Variants in VEGFC observed in about 807,000 individuals in gnomAD.
VEGFC encodes FLT4 ligand DHM.
A neutral mutation model predicts 46.1 loss-of-function variants in VEGFC; 12 were observed. The ratio of observed to expected loss-of-function variants is 0.26; its 90% CI spans 0.17 to 0.42. The LOEUF is 0.42. Ranked by LOEUF, VEGFC falls within the 10% of genes least tolerant of loss-of-function variation. VEGFC has a pLI of 1.00. For missense variants in VEGFC, 488 were observed against 529.4 expected, an observed-to-expected ratio of 0.92 and a Z score of 0.77; for synonymous variants, 232 against 195.5, an observed-to-expected ratio of 1.19 and a Z score of -1.56.
At position 176,731,485 on chromosome 4, in the gene VEGFC, A is replaced by G. The variant is rs77178707; in HGVS notation, c.148-1739T>C. ...GTCAGTCACACCTCAATAATGTTGG[A>G]AAAAAAACAGTGTACAGGTGTATTT... On this transcript the variant is annotated intron_variant, in intron 1 of 6. Transcript: ENST00000618562. Among the ~76,000 whole-genome samples, 1,011 of 151,750 alleles carry G rather than the reference A, an allele frequency of 6.7e-3. 6 individuals are homozygous for G. Among genetic ancestry groups the G allele is most frequent in the African/African-American group, 0.023 (951 of 41,390 alleles).
chr4:176,741,679 C>A (rs1735177295), intron 1 of VEGFC, among the ~76,000 whole-genome samples: 1 of 151,852 alleles, frequency 6.6e-6, no homozygotes, highest in South Asian at 2.1e-4. Context: ...TTTGGTGCAA[C>A]TGTTACTGAT....
chr4:176,716,119 A>T (rs1734694037), intron 3 of VEGFC, among the ~76,000 whole-genome samples: 1 of 152,104 alleles, frequency 6.6e-6, no homozygotes, highest in Non-Finnish European at 1.5e-5. Context: ...GATTTAGTTA[A>T]ATTTTTGTTA....
intron 4 of VEGFC, among the ~76,000 whole-genome samples, chr4:176,704,691 C>A (rs1004632568): frequency 6.6e-5 from 10 of 152,144 alleles, no homozygotes; most frequent in Admixed American, 6.5e-4. Flanking sequence ...CCCTTGCCAC[C>A]AAGCTGTTCT....
intron 3 of VEGFC, among the ~76,000 whole-genome samples, chr4:176,723,535 CTTTTATTTTAAGTTTGGGG>C (rs1337830171): frequency 1.6e-5 from 2 of 123,612 alleles, no homozygotes; most frequent in South Asian, 2.7e-4. Context: ...CATAGGTAAA[CTTTTATTTTAAGTTTGGGG>C]TTTTATTTTA....
intron 1 of VEGFC, among the ~76,000 whole-genome samples, chr4:176,783,161 G>A (rs1735943767): frequency 6.6e-6 from 1 of 152,196 alleles, no homozygotes; most frequent in African/African-American, 2.4e-5. Flanking sequence ...GAGAAGGAAA[G>A]TATCTACTCC....
intron 1 of VEGFC, among the ~76,000 whole-genome samples, chr4:176,771,656 T>A (rs1735724844): frequency 6.6e-6 from 1 of 152,186 alleles, no homozygotes; most frequent in African/African-American, 2.4e-5. Context: ...AAGAAAAGTC[T>A]AAGGTTCTTG....
intron 1 of VEGFC, among the ~76,000 whole-genome samples, chr4:176,761,879 T>G (rs1735536498): frequency 6.6e-6 from 1 of 152,248 alleles, no homozygotes; most frequent in South Asian, 2.1e-4. Context: ...AATTCAGAGT[T>G]GGAAGAAGCC....
At chr4:176,692,268 C>G (rs944047511) in intron 4 of VEGFC, among the ~76,000 whole-genome samples, 1 of 135,216 alleles carries the variant, frequency 7.4e-6, no homozygotes, top group African/African-American at 3.4e-5. Flanking sequence ...GTGGCGGGCG[C>G]CTGTAGTCCC....
intron 1 of VEGFC, among the ~76,000 whole-genome samples, chr4:176,775,939 T>C (rs1370460806): frequency 6.6e-6 from 1 of 152,110 alleles, no homozygotes; most frequent in African/African-American, 2.4e-5. Context: ...AAAAAGAACC[T>C]TTATTTATTT....
At chr4:176,687,639 AC>A in intron 5 of VEGFC, 119 bp from the exon 6 acceptor site, 1 of 1,116,428 alleles carries the variant, frequency 9.0e-7, no homozygotes, top group Non-Finnish European at 1.2e-6. Flanking sequence ...TTGGGTACAA[AC>A]ATGAGTATGT....
intron 4 of VEGFC, among the ~76,000 whole-genome samples, chr4:176,697,699 G>A (rs1033105621): frequency 6.6e-6 from 1 of 151,498 alleles, no homozygotes; most frequent in African/African-American, 2.4e-5. Context: ...TGTTTATTGC[G>A]GCATTATTCA....
chr4:176,782,927 A>C (rs2110947783), intron 1 of VEGFC, among the ~76,000 whole-genome samples: 1 of 152,320 alleles, frequency 6.6e-6, no homozygotes, highest in Middle Eastern at 3.4e-3. Context: ...AATCAAAAAA[A>C]TATGCTGTCA....
At chr4:176,781,279 G>A (rs887233097) in intron 1 of VEGFC, among the ~76,000 whole-genome samples, 1 of 152,116 alleles carries the variant, frequency 6.6e-6, no homozygotes, top group Admixed American at 6.5e-5. Context: ...TGAGACAAAG[G>A]GATCAGTTTG....
At chr4:176,760,035 A>G (rs1024391487) in intron 1 of VEGFC, among the ~76,000 whole-genome samples, 2 of 152,152 alleles carry the variant, frequency 1.3e-5, no homozygotes. Flanking sequence ...CATAAAACAA[A>G]TAAGTCGAAA....
intron 1 of VEGFC, among the ~76,000 whole-genome samples, chr4:176,774,061 G>C (rs1025315958): frequency 1.3e-5 from 2 of 151,932 alleles, no homozygotes; most frequent in African/African-American, 4.8e-5. Context: ...GGCTTCATTT[G>C]TTTAGAATAT....
At chr4:176,735,798 C>T (rs1735043810) in intron 1 of VEGFC, among the ~76,000 whole-genome samples, 1 of 151,746 alleles carries the variant, frequency 6.6e-6, no homozygotes, top group African/African-American at 2.4e-5. Flanking sequence ...CAAAGAGGTG[C>T]CTGCCATTTA....
At chr4:176,784,127 T>G (rs1358514865) in intron 1 of VEGFC, among the ~76,000 whole-genome samples, 1 of 143,806 alleles carries the variant, frequency 7.0e-6, no homozygotes, top group African/African-American at 2.7e-5. Context: ...TGCAGTGGGG[T>G]GATCTCAGCT....
chr4:176,737,119 T>C (rs1187568307), intron 1 of VEGFC, among the ~76,000 whole-genome samples: 1 of 150,514 alleles, frequency 6.6e-6, no homozygotes, highest in Non-Finnish European at 1.5e-5. Flanking sequence ...TATTAACTAA[T>C]AAACATCCTA....
intron 1 of VEGFC, among the ~76,000 whole-genome samples, chr4:176,774,085 A>C (rs1735768580): frequency 6.6e-6 from 1 of 152,128 alleles, no homozygotes; most frequent in Non-Finnish European, 1.5e-5. Context: ...ATAAATGACA[A>C]GTTAGTATTC....
Sources: allele counts gnomAD v4.1 joint callset (sites outside exome capture counted in the v4.1 genomes callset), GRCh38; gene constraint gnomAD v4.1.1; transcripts MANE v1.5; gene names NCBI Gene and HGNC (gene_info 2026-07-23, HGNC 2026-07-21).